SLC14A2: variants seen among roughly 807,000 people sequenced by gnomAD.
SLC14A2 encodes urea transporter 2.
SLC14A2 carries 91 observed loss-of-function variants against 104.6 expected under a neutral mutation model. That is an observed-to-expected ratio of 0.87 (90% CI 0.73 to 1.04). SLC14A2 has a LOEUF of 1.04. Ranked by LOEUF, SLC14A2 falls within the 50% of genes least tolerant of loss-of-function variation. The probability of loss-of-function intolerance (pLI) is 0.00; values close to 1 mark genes in which losing one functional copy is unlikely to be tolerated. For missense variants in SLC14A2, 1,189 were observed against 1,156.0 expected (o/e 1.03, Z -0.41); for synonymous variants, 476 against 466.4 (o/e 1.02, Z -0.27).
At chr18:45,504,324 G>A (rs989926561) in intron 2 of SLC14A2, among the ~76,000 whole-genome samples, 10 of 152,156 alleles carry the variant, frequency 6.6e-5, no homozygotes, top group Non-Finnish European at 1.5e-4. Flanking sequence ...AAGGTACCAA[G>A]GATAGCATAA....
intron 1 of SLC14A2, among the ~76,000 whole-genome samples, chr18:45,259,556 C>A (rs2084514726): frequency 6.6e-6 from 1 of 151,796 alleles, no homozygotes; most frequent in African/African-American, 2.4e-5. Flanking sequence ...GAGAGAAATA[C>A]AAAGAGAAGG....
chr18:45,407,852 C>T (rs2086173250), intron 1 of SLC14A2, among the ~76,000 whole-genome samples: 1 of 152,144 alleles, frequency 6.6e-6, no homozygotes, highest in African/African-American at 2.4e-5. Flanking sequence ...CTGTTCATGG[C>T]ACTTCCAAAC....
chr18:45,682,685 G>A lies in SLC14A2; in HGVS notation c.*166G>A. ...CCATTCCAGAACCTCTCTTTTCTAA[G>A]ATGCACAACACTTATCAAAGATATG... On this transcript the variant is annotated 3_prime_UTR_variant, in exon 20 of 20. Coordinates refer to ENST00000255226, the MANE Select transcript of SLC14A2 (RefSeq NM_007163.4). 1 of 630,262 alleles carries A rather than the reference G, an allele frequency of 1.6e-6. No individual in the cohort carries two copies. Among genetic ancestry groups the A allele is most frequent in the African/African-American group, 1.8e-5 (1 of 54,626 alleles). The allele number at this position is 630,262 out of a possible 1,614,324, so 39.0% of individuals were successfully genotyped here.
At chr18:45,433,648 T>C (rs1053575299) in intron 1 of SLC14A2, among the ~76,000 whole-genome samples, 2 of 152,236 alleles carry the variant, frequency 1.3e-5, no homozygotes, top group African/African-American at 4.8e-5. Flanking sequence ...TAAGTTTGTT[T>C]TGATCTGCAT....
chr18:45,523,318 T>G (rs910375019), intron 2 of SLC14A2, among the ~76,000 whole-genome samples: 3 of 150,384 alleles, frequency 2.0e-5, no homozygotes, highest in Non-Finnish European at 3.0e-5. Context: ...ATCACCAGGT[T>G]TTTTTTTTGT....
At chr18:45,169,321 C>T in the SLC14A2 span, among the ~76,000 whole-genome samples, 32 of 152,176 alleles carry the variant, frequency 2.1e-4, no homozygotes, top group Non-Finnish European at 1.5e-5. Context: ...TGTTGATGCT[C>T]TTTGGTGAGC....
rs1402099147 is a variant in SLC14A2 at position 45,679,037 on chromosome 18, A to T, written c.2562+13A>T. 6.2e-7 allele frequency: 1 copy of T among 1,610,774 alleles called. No individual in the cohort carries two copies. The highest frequency in any genetic ancestry group is 1.1e-5 in the South Asian group (1 of 90,906). On this transcript the variant is annotated intron_variant, in intron 19 of 19. Transcript: ENST00000255226. ...CATGTTATCTGTGGTGAGTCAACAC[A>T]GGCTCAGAACGTGCCTACAACATCC... is the stretch of plus-strand genomic sequence containing the variant.
At chr18:45,213,021 A>T (rs1034065987) in exon 1 of SLC14A2, 3 of 152,470 alleles carry the variant, frequency 2.0e-5, no homozygotes, top group Admixed American at 1.3e-4. Context: ...ATCCTAAAAA[A>T]CGACCATGCT....
chr18:45,171,805 A>T, the SLC14A2 span, among the ~76,000 whole-genome samples: 1 of 151,376 alleles, frequency 6.6e-6, no homozygotes. Flanking sequence ...GTGAAAGCTA[A>T]GTAGTGAAAT....
intron 1 of SLC14A2, among the ~76,000 whole-genome samples, chr18:45,278,642 A>G (rs1383694219): frequency 6.6e-6 from 1 of 152,168 alleles, no homozygotes; most frequent in East Asian, 1.9e-4. Context: ...ACCCCTAAGT[A>G]TACCAAAATC....
chr18:45,541,696 G>T (rs1433287415), intron 2 of SLC14A2, among the ~76,000 whole-genome samples: 2 of 152,232 alleles, frequency 1.3e-5, no homozygotes, highest in African/African-American at 2.4e-5. Context: ...AAGCCTTATG[G>T]ATAAGGCAAG....
intron 1 of SLC14A2, among the ~76,000 whole-genome samples, chr18:45,278,909 A>G (rs2084732209): frequency 6.6e-6 from 1 of 152,220 alleles, no homozygotes; most frequent in Admixed American, 6.5e-5. Context: ...CAGCCACTGT[A>G]TGGGAGGCGT....
the SLC14A2 span, among the ~76,000 whole-genome samples, chr18:45,189,178 G>A: frequency 6.6e-6 from 1 of 152,112 alleles, no homozygotes; most frequent in Admixed American, 6.6e-5. Context: ...ATATTATAGG[G>A]GACTGGAAGT....
intron 2 of SLC14A2, among the ~76,000 whole-genome samples, chr18:45,588,955 T>C (rs978229309): frequency 2.7e-5 from 3 of 111,458 alleles, no homozygotes; most frequent in Non-Finnish European, 3.7e-5. Context: ...GTTGTCTTTT[T>C]TTGTTTGGGG....
intron 1 of SLC14A2, among the ~76,000 whole-genome samples, chr18:45,470,987 T>TGG (rs2087237686): frequency 1.1e-5 from 1 of 92,240 alleles, no homozygotes; most frequent in Non-Finnish European, 2.8e-5. Flanking sequence ...ATTTCCAGTT[T>TGG]GTGTGTGTGT....
intron 10 of SLC14A2, among the ~76,000 whole-genome samples, chr18:45,653,674 T>G (rs1490112205): frequency 6.6e-6 from 1 of 152,156 alleles, no homozygotes; most frequent in Non-Finnish European, 1.5e-5. Flanking sequence ...GTCACACCCT[T>G]CTTGCTCTGA....
intron 2 of SLC14A2, among the ~76,000 whole-genome samples, chr18:45,587,786 G>T (rs1388892271): frequency 1.3e-5 from 2 of 152,136 alleles, no homozygotes; most frequent in Non-Finnish European, 2.9e-5. Flanking sequence ...AGGCCAAGAA[G>T]CTATGTGTGG....
At chr18:45,433,154 C>G (rs1449508634) in intron 1 of SLC14A2, among the ~76,000 whole-genome samples, 2 of 152,110 alleles carry the variant, frequency 1.3e-5, no homozygotes, top group Admixed American at 6.5e-5. Context: ...GTCCTGACCC[C>G]AACATTTACT....
intron 1 of SLC14A2, among the ~76,000 whole-genome samples, chr18:45,286,505 A>C (rs1551821): frequency 0.26 from 39,565 of 152,092 alleles, 6,583 homozygotes; most frequent in African/African-American, 0.48. Context: ...TGATGGATAA[A>C]ACTAAGACCA....
Sources: allele counts gnomAD v4.1 joint callset (sites outside exome capture counted in the v4.1 genomes callset), GRCh38; gene constraint gnomAD v4.1.1; transcripts MANE v1.5; gene names NCBI Gene and HGNC (gene_info 2026-07-23, HGNC 2026-07-21).